The following NRXN1 variants were observed in gnomAD, a reference collection of about 807,000 sequenced individuals.
The protein encoded by NRXN1 is neurexin 1, also known as neurexin-1.
A neutral mutation model predicts 150.9 loss-of-function variants in NRXN1; 39 were observed. The ratio of observed to expected loss-of-function variants is 0.26; its 90% CI spans 0.20 to 0.34. The LOEUF (loss-of-function observed/expected upper bound fraction) is 0.34, where lower values mean the gene tolerates loss of function less well. Among genes scored for constraint, NRXN1 ranks in the 10% least tolerant of loss-of-function variants. NRXN1 has a pLI of 1.00. For missense variants in NRXN1, 1,815 were observed against 1,949.9 expected (o/e 0.93, Z 1.30); for synonymous variants, 924 against 757.0 (o/e 1.22, Z -3.62).
intron 17 of NRXN1, among the ~76,000 whole-genome samples, chr2:50,447,739 ATATAT>A (rs2086569217): frequency 6.0e-5 from 1 of 16,546 alleles, no homozygotes; most frequent in Non-Finnish European, 1.0e-4. Flanking sequence ...GGGGAACGTT[ATATAT>A]ATATATATAT....
At chr2:50,059,369 T>C (rs1694138949) in intron 19 of NRXN1, among the ~76,000 whole-genome samples, 1 of 152,240 alleles carries the variant, frequency 6.6e-6, no homozygotes, top group Admixed American at 6.5e-5. Flanking sequence ...ACTTGTGTGC[T>C]CTTAAAAGCA....
chr2:50,859,148 T>C (rs2106018461), intron 5 of NRXN1, among the ~76,000 whole-genome samples: 1 of 152,124 alleles, frequency 6.6e-6, no homozygotes, highest in South Asian at 2.1e-4. Context: ...TTTTTTCCTT[T>C]ATTTTTTCCC....
chr2:50,354,614 G>A (rs1205622945), intron 17 of NRXN1, among the ~76,000 whole-genome samples: 1 of 117,236 alleles, frequency 8.5e-6, no homozygotes, highest in Non-Finnish European at 1.8e-5. Flanking sequence ...TTTTGCTGTT[G>A]TTTTCTGAAA....
intron 5 of NRXN1, among the ~76,000 whole-genome samples, chr2:50,653,689 A>T (rs1211097726): frequency 6.6e-6 from 1 of 152,082 alleles, no homozygotes; most frequent in African/African-American, 2.4e-5. Context: ...AATGCATAAT[A>T]TAATTGCGTG....
intron 5 of NRXN1, among the ~76,000 whole-genome samples, chr2:50,812,991 A>C (rs1668438541): frequency 6.6e-6 from 1 of 152,060 alleles, no homozygotes. Flanking sequence ...GAAGCTGGAG[A>C]TCAGTTTGGG....
intron 2 of NRXN1, among the ~76,000 whole-genome samples, chr2:50,999,021 C>T (rs372619540): frequency 4.6e-5 from 7 of 151,910 alleles, no homozygotes; most frequent in Admixed American, 4.6e-4. Flanking sequence ...TAAGATACTT[C>T]GTATCTTGTT....
intron 5 of NRXN1, among the ~76,000 whole-genome samples, chr2:50,707,359 C>T (rs1319650953): frequency 1.3e-5 from 2 of 152,094 alleles, no homozygotes; most frequent in African/African-American, 4.8e-5. Flanking sequence ...GACTTCCAAG[C>T]TAGTTAAAAA....
chr2:50,147,054 C>T (rs889796755), intron 18 of NRXN1, among the ~76,000 whole-genome samples: 2 of 151,698 alleles, frequency 1.3e-5, no homozygotes, highest in Admixed American at 6.6e-5. Context: ...ACACTCAGTA[C>T]AAATGCTCTC....
intron 17 of NRXN1, among the ~76,000 whole-genome samples, chr2:50,414,377 A>G (rs1400759987): frequency 1.3e-5 from 2 of 148,268 alleles, no homozygotes; most frequent in Non-Finnish European, 2.9e-5. Flanking sequence ...AATTATAAAA[A>G]CATACCTTTT....
intron 2 of NRXN1, among the ~76,000 whole-genome samples, chr2:50,996,477 A>T (rs1300625103): frequency 1.3e-5 from 2 of 152,110 alleles, no homozygotes; most frequent in East Asian, 3.9e-4. Context: ...TCATAGAACT[A>T]CATATTTATT....
At chr2:50,070,135 C>A (rs1220250054) in intron 19 of NRXN1, among the ~76,000 whole-genome samples, 1 of 151,992 alleles carries the variant, frequency 6.6e-6, no homozygotes. Context: ...CAGGTGTGAG[C>A]CACTGCGCCT....
chr2:50,370,579 T>C (rs1270337586), intron 17 of NRXN1, among the ~76,000 whole-genome samples: 1 of 152,018 alleles, frequency 6.6e-6, no homozygotes, highest in African/African-American at 2.4e-5. Flanking sequence ...AGGGTTCATG[T>C]CCTTTGCAGA....
intron 21 of NRXN1, among the ~76,000 whole-genome samples, chr2:49,954,032 T>A (rs929400890): frequency 3.3e-5 from 5 of 152,120 alleles, no homozygotes; most frequent in Admixed American, 3.3e-4. Flanking sequence ...ATAAAAAAAT[T>A]ATTATTATAA....
intron 17 of NRXN1, among the ~76,000 whole-genome samples, chr2:50,297,570 C>G (rs1328388996): frequency 6.6e-6 from 1 of 152,158 alleles, no homozygotes; most frequent in Non-Finnish European, 1.5e-5. Flanking sequence ...TAATTCAGCT[C>G]TGCCCTATTT....
At chr2:49,986,506 G>T (rs1273966840) in intron 21 of NRXN1, among the ~76,000 whole-genome samples, 1 of 152,020 alleles carries the variant, frequency 6.6e-6, no homozygotes, top group Non-Finnish European at 1.5e-5. Context: ...ATTTGCTTCT[G>T]CAATCTATTG....
At position 50,395,909 on chromosome 2, in the gene NRXN1, C is replaced by G. The variant is rs528183555; in HGVS notation, c.3364+69533G>C. On this transcript the variant is annotated intron_variant, in intron 17 of 22. Coordinates refer to ENST00000401669, the MANE Select transcript of NRXN1 (RefSeq NM_001330078.2). Reference sequence around the variant, plus strand: ...AGGACTCAAGAACACTCCTGGTGACCCTGATGACTCAGTTCATCCAAATAT... The same window carrying G: ...AGGACTCAAGAACACTCCTGGTGACGCTGATGACTCAGTTCATCCAAATAT... Among the ~76,000 whole-genome samples, 3 of 152,076 alleles carry G rather than the reference C, an allele frequency of 2.0e-5. No homozygotes were observed. In the South Asian group the frequency reaches 6.2e-4, roughly 31 times the overall value.
intron 2 of NRXN1, among the ~76,000 whole-genome samples, chr2:50,998,133 T>C (rs1699566613): frequency 7.1e-6 from 1 of 141,566 alleles, no homozygotes; most frequent in African/African-American, 3.0e-5. Flanking sequence ...TTACTTCATA[T>C]CTTCCTTATT....
At chr2:49,994,543 G>A (rs760120028) in intron 21 of NRXN1, among the ~76,000 whole-genome samples, 48 of 152,248 alleles carry the variant, frequency 3.2e-4, no homozygotes, top group African/African-American at 1.1e-3. Context: ...AACTACACCG[G>A]TAAGAGTTGT....
chr2:50,103,417 T>G (rs1240691615), intron 18 of NRXN1, among the ~76,000 whole-genome samples: 1 of 151,968 alleles, frequency 6.6e-6, no homozygotes, highest in East Asian at 1.9e-4. Context: ...AATGCAAAGT[T>G]TTCACCCTTG....
Sources: allele counts gnomAD v4.1 joint callset (sites outside exome capture counted in the v4.1 genomes callset), GRCh38; gene constraint gnomAD v4.1.1; transcripts MANE v1.5; gene names NCBI Gene and HGNC (gene_info 2026-07-23, HGNC 2026-07-21).